The following LRMDA variants were observed in gnomAD, a reference collection of about 807,000 sequenced individuals.
LRMDA encodes the protein leucine rich melanocyte differentiation associated.
LRMDA carries 18 observed loss-of-function variants against 29.8 expected under a neutral mutation model. The ratio of observed to expected loss-of-function variants is 0.60; its 90% CI spans 0.42 to 0.90. The LOEUF (loss-of-function observed/expected upper bound fraction) is 0.90, where lower values mean the gene tolerates loss of function less well. Ranked by LOEUF, LRMDA falls within the 40% of genes least tolerant of loss-of-function variation. The pLI, the probability that LRMDA is intolerant of heterozygous loss-of-function variation, is 0.00. For missense variants in LRMDA, 273 were observed against 273.9 expected, an observed-to-expected ratio of 1.00 and a Z score of 0.02; for synonymous variants, 125 against 109.4, an observed-to-expected ratio of 1.14 and a Z score of -0.89.
chr10:76,377,260 G>A (rs1295860832), intron 6 of LRMDA, among the ~76,000 whole-genome samples: 3 of 152,020 alleles, frequency 2.0e-5, no homozygotes, highest in African/African-American at 7.2e-5. Context: ...TGTTTTTCTT[G>A]TTGAGTTGTT....
At position 76,513,442 on chromosome 10, in the gene LRMDA, A is replaced by G. The variant is rs1462933801; in HGVS notation, c.602-43767A>G. Reference sequence around the variant, plus strand: ...CTTTTAAATTTGACGGTTGCTGGATACACTTTAAAGGGGTTGTGTCTTCTT... The same window carrying G: ...CTTTTAAATTTGACGGTTGCTGGATGCACTTTAAAGGGGTTGTGTCTTCTT... On this transcript the variant is annotated intron_variant, in intron 6 of 6. Coordinates refer to ENST00000611255, the MANE Select transcript of LRMDA (RefSeq NM_001305581.2). Among the ~76,000 whole-genome samples the G allele has an allele frequency of 9.2e-5, 14 of 152,292 alleles. No individual in the cohort carries two copies. The East Asian group carries it at 2.5e-3, about 27-fold the overall frequency.
chr10:76,261,088 G>A (rs1317327048), intron 5 of LRMDA, among the ~76,000 whole-genome samples: 16 of 129,316 alleles, frequency 1.2e-4, no homozygotes, highest in Non-Finnish European at 1.7e-4. Context: ...TTTTTGAGAC[G>A]GAGTCTCGCT....
intron 2 of LRMDA, among the ~76,000 whole-genome samples, chr10:75,900,944 T>C (rs1240877422): frequency 1.3e-5 from 2 of 152,184 alleles, no homozygotes; most frequent in African/African-American, 4.8e-5. Context: ...TCTTCATACT[T>C]GATGCCAGAC....
At position 76,504,156 on chromosome 10, in the gene LRMDA, A is replaced by G. The variant is rs1175038407; in HGVS notation, c.602-53053A>G. On this transcript the variant is annotated intron_variant, in intron 6 of 6. Coordinates refer to ENST00000611255, the MANE Select transcript of LRMDA (RefSeq NM_001305581.2). ...TATAGTTTTGAGAGATCTTCTTGGTATTGATTTCCATTTTTATTATGGTGT... is the reference window on the plus strand; with the variant it reads ...TATAGTTTTGAGAGATCTTCTTGGTGTTGATTTCCATTTTTATTATGGTGT... 2.0e-5 allele frequency among the ~76,000 whole-genome samples: 3 copies of G among 151,900 alleles called. No individual in the cohort carries two copies. In the East Asian group the frequency reaches 5.8e-4, roughly 29 times the overall value.
intron 6 of LRMDA, among the ~76,000 whole-genome samples, chr10:76,515,960 G>C (rs773560444): frequency 5.3e-5 from 8 of 152,140 alleles, no homozygotes; most frequent in Non-Finnish European, 1.0e-4. Context: ...CCCAAATTCA[G>C]ACATTGAAAT....
intron 2 of LRMDA, among the ~76,000 whole-genome samples, chr10:75,929,362 G>T (rs2132398655): frequency 1.3e-5 from 2 of 152,094 alleles, no homozygotes; most frequent in South Asian, 4.2e-4. Context: ...GTACAAATCG[G>T]TTTCTTACAT....
chr10:76,077,954 C>A (rs980111810), intron 5 of LRMDA, among the ~76,000 whole-genome samples: 5 of 134,214 alleles, frequency 3.7e-5, no homozygotes, highest in Admixed American at 7.9e-5. Context: ...ATATATTCAA[C>A]TTGTATTCTC....
chr10:75,940,876 A>C (rs1401121656), intron 2 of LRMDA, among the ~76,000 whole-genome samples: 1 of 152,038 alleles, frequency 6.6e-6, no homozygotes, highest in Non-Finnish European at 1.5e-5. Flanking sequence ...GAAATGCCTT[A>C]CAGTTGTGTG....
At chr10:75,458,762 G>A (rs868836578) in intron 2 of LRMDA, among the ~76,000 whole-genome samples, 7 of 152,128 alleles carry the variant, frequency 4.6e-5, no homozygotes, top group South Asian at 2.1e-4. Flanking sequence ...CTTTCCGTCA[G>A]GTAGCAGGAG....
chr10:75,951,021 T>C (rs1846565011), intron 2 of LRMDA, among the ~76,000 whole-genome samples: 1 of 152,176 alleles, frequency 6.6e-6, no homozygotes, highest in Non-Finnish European at 1.5e-5. Flanking sequence ...GTGTTCACTC[T>C]CAGTGAGGCC....
chr10:76,491,078 C>T (rs1842829404), intron 6 of LRMDA, among the ~76,000 whole-genome samples: 3 of 151,724 alleles, frequency 2.0e-5, no homozygotes, highest in Admixed American at 2.0e-4. Flanking sequence ...TTAACTTTTT[C>T]CTCCTGCTTT....
rs1219412888 is a variant in LRMDA at position 75,527,070 on chromosome 10, C to T, written c.131+88576C>T. On this transcript the variant is annotated intron_variant, in intron 2 of 6. Coordinates refer to ENST00000611255, the MANE Select transcript of LRMDA (RefSeq NM_001305581.2). ...CTAACTCCTGGCAACCACTAATCTG[C>T]TTTCTGTCTCTACAAATTTGCCTAT... is the stretch of plus-strand genomic sequence containing the variant. 2.6e-5 allele frequency among the ~76,000 whole-genome samples: 4 copies of T among 152,220 alleles called. No individual in the cohort carries two copies. The East Asian group carries it at 7.7e-4, about 29-fold the overall frequency.
chr10:75,675,951 C>G (rs1020909430), intron 2 of LRMDA, among the ~76,000 whole-genome samples: 1 of 152,154 alleles, frequency 6.6e-6, no homozygotes, highest in African/African-American at 2.4e-5. Context: ...ACTGTGGTCT[C>G]CCTGCTGGAT....
chr10:76,083,036 A>G (rs566749724), intron 5 of LRMDA, among the ~76,000 whole-genome samples: 3 of 152,280 alleles, frequency 2.0e-5, no homozygotes, highest in Admixed American at 2.0e-4. Context: ...TGGCAACATG[A>G]CCTAGATTGC....
intron 6 of LRMDA, among the ~76,000 whole-genome samples, chr10:76,490,106 A>C (rs1276237409): frequency 6.6e-6 from 1 of 152,010 alleles, no homozygotes; most frequent in East Asian, 1.9e-4. Flanking sequence ...TAGTTTCTAT[A>C]ATTCTTCTTG....
chr10:75,947,006 C>T (rs1160706169), intron 2 of LRMDA, among the ~76,000 whole-genome samples: 5 of 152,184 alleles, frequency 3.3e-5, no homozygotes, highest in Admixed American at 1.3e-4. Context: ...AGAGACACAT[C>T]TGGAACTCAG....
chr10:76,146,336 G>T (rs1260486983), intron 5 of LRMDA, among the ~76,000 whole-genome samples: 1 of 151,844 alleles, frequency 6.6e-6, no homozygotes, highest in South Asian at 2.1e-4. Flanking sequence ...AAGTCTCTTT[G>T]TAGGTCACTC....
Position 76,039,097 on chromosome 10 carries a change from A to G in LRMDA, c.258+2963A>G, listed in dbSNP as rs532274669. ...ACAGCACAAGCCCCATAGTACAAGT[A>G]GTCTTCAAGTTCAACTTATATCATG... On this transcript the variant is annotated intron_variant, in intron 3 of 6. Transcript: ENST00000611255. 1.0e-3 allele frequency among the ~76,000 whole-genome samples: 157 copies of G among 152,360 alleles called. 1 individual carries two copies. Among genetic ancestry groups the G allele is most frequent in the African/African-American group, 3.6e-3 (149 of 41,590 alleles).
chr10:75,958,959 C>T (rs1329052223), intron 2 of LRMDA, among the ~76,000 whole-genome samples: 1 of 152,094 alleles, frequency 6.6e-6, no homozygotes, highest in South Asian at 2.1e-4. Context: ...GACTTACTAC[C>T]GCGAGAACAG....
Sources: allele counts gnomAD v4.1 joint callset (sites outside exome capture counted in the v4.1 genomes callset), GRCh38; gene constraint gnomAD v4.1.1; transcripts MANE v1.5; gene names NCBI Gene and HGNC (gene_info 2026-07-23, HGNC 2026-07-21).